Variants in MRAP2 observed in about 807,000 individuals in gnomAD.
MRAP2 encodes melanocortin-2 receptor accessory protein 2.
MRAP2 carries 20 observed loss-of-function variants against 17.4 expected under a neutral mutation model. The observed-to-expected ratio is 1.15, with a 90% CI of 0.81 to 1.67. The LOEUF (loss-of-function observed/expected upper bound fraction) is 1.67, where lower values mean the gene tolerates loss of function less well. Among genes scored for constraint, MRAP2 ranks in the 40% most tolerant of loss-of-function variants. MRAP2 has a pLI of 0.00. For synonymous variants in MRAP2, 96 were observed against 88.4 expected (o/e 1.09, Z -0.48); for missense variants, 238 against 240.0 (o/e 0.99, Z 0.05).
chr6:84,097,373 G>C, the MRAP2 span, among the ~76,000 whole-genome samples: 1 of 151,940 alleles, frequency 6.6e-6, no homozygotes, highest in East Asian at 1.9e-4. Flanking sequence ...CTTTATTTTT[G>C]TCACCTGGAA....
chr6:84,102,692 A>G, the MRAP2 span, among the ~76,000 whole-genome samples: 11 of 152,208 alleles, frequency 7.2e-5, no homozygotes, highest in African/African-American at 2.7e-4. Context: ...AAACTAATAT[A>G]GGGAGGATTT....
chr6:84,098,107 TC>T, the MRAP2 span, among the ~76,000 whole-genome samples: 13 of 152,140 alleles, frequency 8.5e-5, no homozygotes, highest in Non-Finnish European at 1.8e-4. Flanking sequence ...CCTTTTATAA[TC>T]CCTCCCTCCC....
chr6:84,104,520 A>C, the MRAP2 span, among the ~76,000 whole-genome samples: 2 of 152,186 alleles, frequency 1.3e-5, no homozygotes, highest in African/African-American at 2.4e-5. Flanking sequence ...CCCTTTTAAA[A>C]TTGAATGCCT....
At chr6:84,130,437 A>G in the MRAP2 span, among the ~76,000 whole-genome samples, 49 of 152,300 alleles carry the variant, frequency 3.2e-4, no homozygotes, top group South Asian at 9.5e-3. Flanking sequence ...GATTGGTACC[A>G]GCTCCTCTCT....
the MRAP2 span, among the ~76,000 whole-genome samples, chr6:84,098,232 T>C: frequency 6.6e-6 from 1 of 152,314 alleles, no homozygotes; most frequent in Middle Eastern, 3.4e-3. Context: ...GCCTGGCTTC[T>C]TTCATTCAGC....
chr6:84,062,553 C>T (rs2099493431), intron 2 of MRAP2: 1 of 985,312 alleles, frequency 1.0e-6, no homozygotes, highest in Non-Finnish European at 1.2e-6. Flanking sequence ...AGTTGATAGT[C>T]TGCTAAAAAT....
the MRAP2 span, among the ~76,000 whole-genome samples, chr6:84,140,855 C>T: frequency 4.6e-5 from 7 of 152,128 alleles, no homozygotes; most frequent in Non-Finnish European, 8.8e-5. Flanking sequence ...AAATAGCTTA[C>T]TGGTCTAGAG....
At chr6:84,136,428 T>TC in the MRAP2 span, among the ~76,000 whole-genome samples, 5 of 152,306 alleles carry the variant, frequency 3.3e-5, no homozygotes, top group South Asian at 1.0e-3. Context: ...GAACTTATTC[T>TC]TCTATCATGA....
At chr6:84,141,215 T>A in the MRAP2 span, among the ~76,000 whole-genome samples, 1 of 151,904 alleles carries the variant, frequency 6.6e-6, no homozygotes, top group Non-Finnish European at 1.5e-5. Context: ...TTAAAATGGG[T>A]ATACCTTTAA....
At chr6:84,132,382 G>A in the MRAP2 span, among the ~76,000 whole-genome samples, 2 of 152,278 alleles carry the variant, frequency 1.3e-5, no homozygotes, top group Non-Finnish European at 2.9e-5. Context: ...GAATTTGAAT[G>A]TTGTTCTGCC....
intron 3 of MRAP2, among the ~76,000 whole-genome samples, chr6:84,087,162 GCA>G (rs35927455): frequency 0.096 from 14,641 of 152,206 alleles, 1,056 homozygotes; most frequent in African/African-American, 0.2. Context: ...GGTGGTTACA[GCA>G]CAGTTTGGTT....
chr6:84,120,076 T>C, the MRAP2 span, among the ~76,000 whole-genome samples: 3 of 152,218 alleles, frequency 2.0e-5, no homozygotes, highest in African/African-American at 4.8e-5. Context: ...TCCAACAGCC[T>C]GAGAACCTGG....
the MRAP2 span, among the ~76,000 whole-genome samples, chr6:84,121,844 A>G: frequency 6.6e-6 from 1 of 152,198 alleles, no homozygotes; most frequent in Non-Finnish European, 1.5e-5. Context: ...CCTACACAAA[A>G]AGACAGATCT....
At chr6:84,121,518 G>T in the MRAP2 span, among the ~76,000 whole-genome samples, 1 of 152,098 alleles carries the variant, frequency 6.6e-6, no homozygotes, top group African/African-American at 2.4e-5. Context: ...GATGGCGTGC[G>T]CCTGTAATCT....
the MRAP2 span, among the ~76,000 whole-genome samples, chr6:84,117,339 T>A: frequency 6.6e-5 from 10 of 152,172 alleles, no homozygotes; most frequent in African/African-American, 2.2e-4. Flanking sequence ...TTCCTTTTTT[T>A]ATTTTATCTC....
chr6:84,118,559 C>G, the MRAP2 span, among the ~76,000 whole-genome samples: 1 of 152,110 alleles, frequency 6.6e-6, no homozygotes, highest in African/African-American at 2.4e-5. Context: ...ACTGGGGGAA[C>G]GCTTCCTCAG....
At chr6:84,138,088 T>C in the MRAP2 span, among the ~76,000 whole-genome samples, 1 of 152,210 alleles carries the variant, frequency 6.6e-6, no homozygotes, top group African/African-American at 2.4e-5. Context: ...TCATGGCCTA[T>C]AAAATGTTAA....
chr6:84,066,004 A>AACACACACAC lies in MRAP2; in HGVS notation c.227+3038_227+3047dup, dbSNP rs10684117. ...CTTAAAATAAAACTCTCTCTTTATA[A>AACACACACAC]ACACACACACACACACACACACACA... On this transcript the variant is annotated intron_variant, in intron 3 of 3. Transcript: ENST00000257776. Among the ~76,000 whole-genome samples, 582 of 142,516 alleles carry AACACACACAC rather than the reference A, an allele frequency of 4.1e-3. 1 individual carries two copies. Among genetic ancestry groups the AACACACACAC allele is most frequent in the African/African-American group, 0.013 (524 of 39,556 alleles). The allele number at this position is 142,516 out of a possible 152,430, so 93.5% of individuals were successfully genotyped here. A position where few individuals can be genotyped will look rare whatever the true frequency, so the allele number is the denominator to read the frequency against.
At chr6:84,114,238 T>C in the MRAP2 span, among the ~76,000 whole-genome samples, 3 of 152,208 alleles carry the variant, frequency 2.0e-5, no homozygotes, top group African/African-American at 7.2e-5. Flanking sequence ...TTTGGTCTTT[T>C]CACATAGTCC....
Sources: gnomAD v4.1 joint callset for allele counts (sites outside exome capture counted in the v4.1 genomes callset) on GRCh38, gnomAD v4.1.1 for gene constraint, MANE v1.5 for transcripts, NCBI Gene and HGNC (gene_info 2026-07-23, HGNC 2026-07-21) for gene names.